Variants in CNTRL observed in about 807,000 individuals in gnomAD.
CNTRL encodes 110 kDa centrosomal protein.
A neutral mutation model predicts 303.7 loss-of-function variants in CNTRL; 233 were observed. The ratio of observed to expected loss-of-function variants is 0.77; its 90% CI spans 0.69 to 0.86. CNTRL has a LOEUF of 0.86. CNTRL is among the 40% of genes least tolerant of loss of function. The probability of loss-of-function intolerance (pLI) is 0.00; values close to 1 mark genes in which losing one functional copy is unlikely to be tolerated. For missense variants in CNTRL, 2,524 were observed against 2,650.6 expected, an observed-to-expected ratio of 0.95 and a Z score of 1.05; for synonymous variants, 900 against 922.2, an observed-to-expected ratio of 0.98 and a Z score of 0.44.
At chr9:121,151,899 A>G (rs2052285772) in intron 25 of CNTRL, 1 of 153,760 alleles carries the variant, frequency 6.5e-6, no homozygotes, top group Non-Finnish European at 1.4e-5. Flanking sequence ...GTTTAACTGT[A>G]GTAGTCACTC....
chr9:121,169,745 G>GC lies in CNTRL; in HGVS notation c.6206dup (p.Glu2070Ter). On this transcript the variant is annotated frameshift_variant, in exon 39 of 44. Transcript: ENST00000373855. LOFTEE classifies it high-confidence loss of function. ...CCAGTTCTTGACAGAAAGAAAGAAAGCTGAGAAGCAGGTGGCCAGCCTGAA... is the reference window on the plus strand; with the variant it reads ...CCAGTTCTTGACAGAAAGAAAGAAAGCCTGAGAAGCAGGTGGCCAGCCTGAA... 1 of 1,614,206 alleles carries GC rather than the reference G, an allele frequency of 6.2e-7. No homozygotes were observed. The highest frequency in any genetic ancestry group is 1.3e-5 in the African/African-American group (1 of 75,052).
At chr9:121,163,823 A>G (rs962914100) in intron 34 of CNTRL, among the ~76,000 whole-genome samples, 2 of 151,906 alleles carry the variant, frequency 1.3e-5, no homozygotes, top group African/African-American at 4.8e-5. Context: ...CTACACACCT[A>G]TTAGAACAAC....
At chr9:121,109,058 C>T (rs557436913) in intron 8 of CNTRL, among the ~76,000 whole-genome samples, 1 of 152,256 alleles carries the variant, frequency 6.6e-6, no homozygotes, top group South Asian at 2.1e-4. Context: ...GGTTCCAGGA[C>T]ACCCCCATGG....
Position 121,125,736 on chromosome 9 carries a change from G to T in CNTRL, c.1825G>T (p.Ala609Ser), listed in dbSNP as rs774279429. 6 of 1,614,018 alleles carry T rather than the reference G, an allele frequency of 3.7e-6. No individual in the cohort carries two copies. The African/African-American group carries it at 8.0e-5, about 22-fold the overall frequency. Residue 609 changes from alanine to serine, a missense_variant, in exon 14 of 44, where the codon GCC becomes TCC. Ala to Ser is a moderately conservative substitution (Grantham distance 99). Transcript: ENST00000373855. ...CTTAGGCCAGATAGCAGCAAATGAA[G>T]CCCTGAAGAAGGATTTAGAAGGTGT... is the stretch of plus-strand genomic sequence containing the variant. ...LTEGQIAANE[A>S]LKKDLEGVIS...
At position 121,159,068 on chromosome 9, in the gene CNTRL, G is replaced by C. The variant is rs371356624; in HGVS notation, c.4929+49G>C. On this transcript the variant is annotated intron_variant, in intron 31 of 43. Transcript: ENST00000373855. ...TGAAGAGTCGTAGGACAGTGCTATA[G>C]GTTTACTTTGATGTATTTTCATTGC... 5.2e-5 allele frequency: 78 copies of C among 1,510,082 alleles called. 1 individual carries two copies. In the African/African-American group the frequency reaches 1.0e-3, roughly 19 times the overall value. 93.5% of individuals were successfully genotyped at this position (1,510,082 alleles called of 1,614,324 possible).
At position 121,175,159 on chromosome 9, in the gene CNTRL, T is replaced by C; in HGVS notation, c.6889T>C (p.Ser2297Pro). The change falls in exon 43 of 44, where the codon TCA becomes CCA. Residue 2297 changes from serine (S) to proline (P), a missense_variant. Ser to Pro is a moderately conservative substitution (Grantham distance 74). Transcript: ENST00000373855. ...CACCAGCACCTCTGCAGATTCAGCG[T>C]CATCACCCAGTCTGTCTCAGCTGGA... ...LVTSTSADSA[S>P]SPSLSQLESS... 6.2e-7 allele frequency: 1 copy of C among 1,614,172 alleles called. No homozygotes were observed.
At chr9:121,096,909 T>C (rs1005644854) in intron 6 of CNTRL, among the ~76,000 whole-genome samples, 1 of 151,944 alleles carries the variant, frequency 6.6e-6, no homozygotes, top group Non-Finnish European at 1.5e-5. Flanking sequence ...AAGTCCCTTA[T>C]CTAGAGTCAC....
Position 121,144,898 on chromosome 9 carries a change from T to G in CNTRL, c.3107T>G (p.Leu1036Arg), listed in dbSNP as rs776156239. ...SRKAAQAARD[L>R]TRAEAEIELL... ...AAGGCAGCACAAGCAGCCAGAGATC[T>G]CACCCGAGCAGAAGCTGAGATCGAA... Residue 1036 changes from leucine to arginine, a missense_variant, in exon 21 of 44, where the codon CTC becomes CGC. Physicochemically the swap from Leu to Arg is moderately radical, Grantham distance 102. Transcript: ENST00000373855. 8 of 1,613,524 alleles carry G rather than the reference T, an allele frequency of 5.0e-6. No homozygotes were observed. Among genetic ancestry groups the G allele is most frequent in the Non-Finnish European group, 6.8e-6 (8 of 1,179,954 alleles).
In CNTRL at chr9:121,115,107, A is replaced by G; in HGVS notation, c.1362A>G (p.Ser454=). The change falls in exon 11 of 44, where the codon TCA becomes TCG. Residue 454 remains serine, a synonymous_variant. Coordinates refer to ENST00000373855, the MANE Select transcript of CNTRL (RefSeq NM_007018.6). ...KKISAAQTRL[S]ELHDEIEKAE... ...AATTTGCAGCACAAACTCGACTATC[A>G]GAACTGCATGATGAAATAGAAAAGG... 6.2e-7 allele frequency: 1 copy of G among 1,600,952 alleles called. No homozygotes were observed. The highest frequency in any genetic ancestry group is 8.5e-7 in the Non-Finnish European group (1 of 1,174,138).
intron 1 of CNTRL, among the ~76,000 whole-genome samples, chr9:121,078,625 C>A (rs998065581): frequency 1.3e-5 from 2 of 152,176 alleles, no homozygotes; most frequent in African/African-American, 4.8e-5. Context: ...GGCTGGCTTA[C>A]AAGACTGCCC....
rs531626451 is a variant in CNTRL, at chr9:121,108,445, A to G, written c.1002+450A>G. On this transcript the variant is annotated intron_variant, in intron 8 of 43. Transcript: ENST00000373855. ...ATGTCAGACCTTAAGACTTTCCACT[A>G]TCCCAAAACTATGAACTGTAGTTGC... 3.9e-4 allele frequency among the ~76,000 whole-genome samples: 60 copies of G among 152,274 alleles called. 1 individual carries two copies. In the South Asian group the frequency reaches 0.012, roughly 30 times the overall value.
At chr9:121,150,117 T>C in intron 24 of CNTRL, 53 bp from the exon 25 acceptor site, 1 of 1,443,272 alleles carries the variant, frequency 6.9e-7, no homozygotes, top group South Asian at 1.4e-5. Context: ...TGGTAAACCA[T>C]GGGGGTAAAA....
intron 38 of CNTRL, among the ~76,000 whole-genome samples, chr9:121,168,977 G>A (rs527590732): frequency 1.3e-5 from 2 of 152,286 alleles, no homozygotes; most frequent in African/African-American, 2.4e-5. Flanking sequence ...AAAAAAATAT[G>A]TCGAGTTCTG....
Position 121,123,985 on chromosome 9 carries a change from A to G in CNTRL, c.1705A>G (p.Lys569Glu). The G allele has an allele frequency of 1.2e-6, 2 of 1,613,100 alleles. No individual in the cohort carries two copies. Among genetic ancestry groups the G allele is most frequent in the African/African-American group, 2.7e-5 (2 of 75,000 alleles). Residue 569 changes from lysine to glutamate, a missense_variant, in exon 13 of 44, where the codon AAG becomes GAG. Physicochemically the swap from Lys to Glu is moderately conservative, Grantham distance 56. Coordinates refer to ENST00000373855, the MANE Select transcript of CNTRL (RefSeq NM_007018.6). ...GKEQQLDIMN[K>E]QYQQLESRLD... ...AGAACAACAGCTTGACATTATGAAC[A>G]AGCAGTACCAACAACTTGAAAGTCG...
intron 14 of CNTRL, among the ~76,000 whole-genome samples, chr9:121,127,822 G>A (rs1219099124): frequency 7.8e-6 from 1 of 127,580 alleles, no homozygotes; most frequent in Non-Finnish European, 1.6e-5. Flanking sequence ...AGGCCCCGGT[G>A]TGTGATGTTC....
Position 121,152,531 on chromosome 9 carries a change from C to T in CNTRL, c.4010C>T (p.Ser1337Leu). The T allele has an allele frequency of 6.2e-7, 1 of 1,613,910 alleles. No individual in the cohort carries two copies. Among genetic ancestry groups the T allele is most frequent in the Non-Finnish European group, 8.5e-7 (1 of 1,179,968 alleles). Residue 1337 changes from serine (S) to leucine (L), a missense_variant, in exon 26 of 44, where the codon TCA becomes TTA. Transcript: ENST00000373855. ...GAAGACATAATGCAGCATTTAAAAT[C>T]AAAGAAGCGGGAAGAAAGGTGGATG... ...RLEDIMQHLK[S>L]KKREERWMRA... is the part of the protein sequence containing the mutation.
chr9:121,135,767 A>T (rs1346454695), intron 14 of CNTRL, 39 bp from the exon 15 acceptor site: 2 of 1,561,544 alleles, frequency 1.3e-6, no homozygotes, highest in African/African-American at 2.7e-5. Flanking sequence ...TAAGCAGCAC[A>T]GTGAGGGTTC....
At chr9:121,146,284 A>G in intron 23 of CNTRL, 28 bp downstream of exon 23, 2 of 1,578,954 alleles carry the variant, frequency 1.3e-6, no homozygotes, top group Non-Finnish European at 1.7e-6. Flanking sequence ...TTGGGAATGT[A>G]TACTGAATTT....
chr9:121,122,133 G>C (rs143872049), intron 12 of CNTRL, among the ~76,000 whole-genome samples: 1 of 152,066 alleles, frequency 6.6e-6, no homozygotes, highest in Admixed American at 6.5e-5. Flanking sequence ...TTTATCCTGC[G>C]TATAAAGGTT....
Sources: gnomAD v4.1 joint callset for allele counts (sites outside exome capture counted in the v4.1 genomes callset) on GRCh38, gnomAD v4.1.1 for gene constraint, MANE v1.5 for transcripts, NCBI Gene and HGNC (gene_info 2026-07-23, HGNC 2026-07-21) for gene names.